The following VRK2 variants were observed in gnomAD, a reference collection of about 807,000 sequenced individuals.
VRK2 encodes VRK serine/threonine kinase 2.
A neutral mutation model predicts 57.6 loss-of-function variants in VRK2; 60 were observed. The ratio of observed to expected loss-of-function variants is 1.04; its 90% CI spans 0.85 to 1.29. VRK2 has a LOEUF of 1.29. Among genes scored for constraint, VRK2 ranks in the 50% most tolerant of loss-of-function variants. The pLI is 0.00. For missense variants in VRK2, 705 were observed against 588.1 expected (o/e 1.20, Z -2.06); for synonymous variants, 231 against 199.2 (o/e 1.16, Z -1.35).
chr2:58,066,951 T>C (rs918013878), intron 2 of VRK2, among the ~76,000 whole-genome samples: 3 of 152,160 alleles, frequency 2.0e-5, no homozygotes, highest in Middle Eastern at 3.2e-3. Context: ...AGTCAGTGGA[T>C]TGGGAGAGGT....
intron 1 of VRK2, among the ~76,000 whole-genome samples, chr2:57,953,792 A>G (rs1671499143): frequency 6.6e-6 from 1 of 152,180 alleles, no homozygotes; most frequent in African/African-American, 2.4e-5. Flanking sequence ...CGGACTCTAT[A>G]TTCCATACTT....
intron 1 of VRK2, among the ~76,000 whole-genome samples, chr2:57,912,270 T>C (rs532590311): frequency 9.5e-4 from 144 of 152,312 alleles, no homozygotes; most frequent in Admixed American, 2.6e-3. Flanking sequence ...CCATGTGTCT[T>C]ATCTAATTAA....
intron 1 of VRK2, among the ~76,000 whole-genome samples, chr2:57,978,905 T>C (rs1438487916): frequency 6.6e-6 from 1 of 150,912 alleles, no homozygotes; most frequent in Non-Finnish European, 1.5e-5. Context: ...AGGAGGTGTT[T>C]GGTTTTCTGT....
intron 2 of VRK2, among the ~76,000 whole-genome samples, chr2:58,052,600 C>CAAA (rs79413397): frequency 5.5e-5 from 4 of 73,380 alleles, no homozygotes; most frequent in Admixed American, 1.6e-4. Flanking sequence ...GAGACTGTCT[C>CAAA]AAAAAAAAAA....
intron 1 of VRK2, among the ~76,000 whole-genome samples, chr2:58,006,824 C>G (rs1016330629): frequency 6.6e-6 from 1 of 152,032 alleles, no homozygotes; most frequent in Non-Finnish European, 1.5e-5. Flanking sequence ...TCTTACTTGA[C>G]CTTTACGGAC....
At chr2:58,003,834 T>C (rs1282927029) in intron 1 of VRK2, among the ~76,000 whole-genome samples, 2 of 152,154 alleles carry the variant, frequency 1.3e-5, no homozygotes, top group Non-Finnish European at 2.9e-5. Context: ...TTATGTTTTC[T>C]AATAATTTAC....
At chr2:58,155,409 G>A (rs929959134) in intron 12 of VRK2, among the ~76,000 whole-genome samples, 8 of 152,146 alleles carry the variant, frequency 5.3e-5, no homozygotes, top group African/African-American at 1.4e-4. Context: ...AGTGTCTGGT[G>A]GGGAGGAAGA....
At chr2:58,107,051 G>C (rs917980132) in intron 7 of VRK2, among the ~76,000 whole-genome samples, 1 of 152,074 alleles carries the variant, frequency 6.6e-6, no homozygotes, top group Non-Finnish European at 1.5e-5. Context: ...TGTTTTAACA[G>C]ATATGAGTGA....
At position 58,079,517 on chromosome 2, in the gene VRK2, T is replaced by C. The variant is rs553326068; in HGVS notation, c.137-4572T>C. 3.0e-3 allele frequency among the ~76,000 whole-genome samples: 454 copies of C among 152,178 alleles called. 4 individuals are homozygous for C. The highest frequency in any genetic ancestry group is 2.2e-3 in the Non-Finnish European group (150 of 67,956). On this transcript the variant is annotated intron_variant, in intron 2 of 12. Transcript: ENST00000340157. ...ACATATCTTAATTTATATTTATTAA[T>C]TTATTTCAGCTGCAGGAAAGAGCTG...
At chr2:58,142,197 A>C (rs533266098) in intron 11 of VRK2, among the ~76,000 whole-genome samples, 2 of 152,130 alleles carry the variant, frequency 1.3e-5, no homozygotes, top group Admixed American at 1.3e-4. Context: ...TGCTAATAAC[A>C]AATGAAACTT....
In VRK2 at chr2:57,927,279, C is replaced by CTTT. The variant is rs200017573; in HGVS notation, c.-439+19453_-439+19455dup. On this transcript the variant is annotated intron_variant, in intron 1 of 15. Coordinates refer to the VRK2 transcript ENST00000417641. ...ATTTTTGATCTTTTCATATTTTAGT[C>CTTT]TTTTTTTTTTTTTTTGAGATGAAGT... is the stretch of plus-strand genomic sequence containing the variant. 3.1e-4 allele frequency among the ~76,000 whole-genome samples: 42 copies of CTTT among 137,070 alleles called. 1 individual carries two copies. The highest frequency in any genetic ancestry group is 1.1e-3 in the African/African-American group (40 of 36,306). The allele number at this position is 137,070 out of a possible 152,430, so 89.9% of individuals were successfully genotyped here.
At chr2:57,983,880 A>C (rs1481168989) in intron 1 of VRK2, among the ~76,000 whole-genome samples, 1 of 152,218 alleles carries the variant, frequency 6.6e-6, no homozygotes, top group Non-Finnish European at 1.5e-5. Context: ...ATCAATACTT[A>C]ATATAAAATT....
intron 10 of VRK2, among the ~76,000 whole-genome samples, chr2:58,137,020 C>CATATGTGTATATATATCATATATAATAT (rs1680267486): frequency 7.8e-6 from 1 of 127,488 alleles, no homozygotes; most frequent in Non-Finnish European, 1.6e-5. Context: ...ATATATATCT[C>CATATGTGTATATATATCATATATAATAT]ATATGTGTAT....
At chr2:58,100,347 T>C (rs1558635744) in intron 7 of VRK2, among the ~76,000 whole-genome samples, 1 of 152,002 alleles carries the variant, frequency 6.6e-6, no homozygotes. Flanking sequence ...ATAAACAATA[T>C]AAAATTTACT....
intron 1 of VRK2, among the ~76,000 whole-genome samples, chr2:57,937,850 G>C (rs1375122024): frequency 7.7e-5 from 4 of 51,948 alleles, no homozygotes; most frequent in East Asian, 5.0e-4. Flanking sequence ...TTTTTTTTTT[G>C]AGGCGGAGTC....
chr2:57,918,752 ATTGAG>A (rs1253433640), intron 1 of VRK2, among the ~76,000 whole-genome samples: 2 of 152,126 alleles, frequency 1.3e-5, no homozygotes, highest in African/African-American at 2.4e-5. Flanking sequence ...TTACTCTTCT[ATTGAG>A]TTAAGTAATC....
intron 2 of VRK2, among the ~76,000 whole-genome samples, chr2:58,054,711 A>G (rs1676258555): frequency 1.3e-5 from 2 of 152,116 alleles, no homozygotes; most frequent in South Asian, 4.2e-4. Flanking sequence ...GATGATGAAA[A>G]TTTCTTCATC....
At chr2:58,028,896 AT>A (rs1459671832) in intron 2 of VRK2, among the ~76,000 whole-genome samples, 5 of 61,590 alleles carry the variant, frequency 8.1e-5, no homozygotes, top group Non-Finnish European at 1.2e-4. Flanking sequence ...AAATAAATAA[AT>A]AAATAAATAT....
At chr2:57,991,776 T>C (rs915874118) in intron 1 of VRK2, among the ~76,000 whole-genome samples, 13 of 145,714 alleles carry the variant, frequency 8.9e-5, no homozygotes, top group Non-Finnish European at 1.8e-4. Context: ...TGAAACCCCG[T>C]CTCTACTAAA....
Sources: allele counts gnomAD v4.1 joint callset (sites outside exome capture counted in the v4.1 genomes callset), GRCh38; gene constraint gnomAD v4.1.1; transcripts MANE v1.5; gene names NCBI Gene and HGNC (gene_info 2026-07-23, HGNC 2026-07-21).